The following WHRN variants were observed in gnomAD, a reference collection of about 807,000 sequenced individuals.
WHRN encodes CASK-interacting protein CIP98.
WHRN carries 41 observed loss-of-function variants against 68.3 expected under a neutral mutation model. The observed-to-expected ratio is 0.60, with a 90% CI of 0.47 to 0.78. The LOEUF is 0.78. Among genes scored for constraint, WHRN ranks in the 30% least tolerant of loss-of-function variants. The probability of loss-of-function intolerance (pLI) is 0.00; values close to 1 mark genes in which losing one functional copy is unlikely to be tolerated. For missense variants in WHRN, 1,243 were observed against 1,244.7 expected (o/e 1.00, Z 0.02); for synonymous variants, 560 against 561.3 (o/e 1.00, Z 0.03).
chr9:114,498,826 C>T (rs1843679898), intron 1 of WHRN, among the ~76,000 whole-genome samples: 1 of 152,118 alleles, frequency 6.6e-6, no homozygotes, highest in African/African-American at 2.4e-5. Context: ...AGTTCCATCT[C>T]CTTGAGCATG....
chr9:114,414,275 C>T (rs1195076743), intron 7 of WHRN, among the ~76,000 whole-genome samples: 1 of 152,208 alleles, frequency 6.6e-6, no homozygotes, highest in Non-Finnish European at 1.5e-5. Context: ...GTTACTGACT[C>T]ACTGCTCAAC....
intron 6 of WHRN, 54 bp downstream of exon 6, chr9:114,424,280 G>T: frequency 6.3e-7 from 1 of 1,589,176 alleles, no homozygotes; most frequent in Non-Finnish European, 8.6e-7. Context: ...GGGCAGGGCA[G>T]GATGCAGAGC....
In WHRN at chr9:114,505,071, G is replaced by C. The variant is rs1844285302; in HGVS notation, c.-270C>G. 4.8e-6 allele frequency: 2 copies of C among 415,336 alleles called. No homozygotes were observed. The highest frequency in any genetic ancestry group is 8.4e-5 in the East Asian group (2 of 23,750). The allele number at this position is 415,336 out of a possible 1,614,324, so 25.7% of individuals were successfully genotyped here. On this transcript the variant is annotated 5_prime_UTR_variant, in exon 1 of 12. Coordinates refer to ENST00000362057, the MANE Select transcript of WHRN (RefSeq NM_015404.4). ...GGGTTCCTGAGAGACACAAGAGTTG[G>C]CTGCTGGAGCCCGGAGGTGGCGGAG...
At chr9:114,409,327 A>G (rs757194013) in intron 7 of WHRN, among the ~76,000 whole-genome samples, 1 of 152,222 alleles carries the variant, frequency 6.6e-6, no homozygotes, top group Non-Finnish European at 1.5e-5. Context: ...GACTGCAGAG[A>G]GAGCATCCAA....
chr9:114,406,610 A>T lies in WHRN; in HGVS notation c.1981T>A (p.Ser661Thr). 1 of 1,610,538 alleles carries T rather than the reference A, an allele frequency of 6.2e-7. No homozygotes were observed. The highest frequency in any genetic ancestry group is 2.2e-5 in the East Asian group (1 of 44,812). Reference sequence around the variant, plus strand: ...AGATGGGCGTCCAGCGGCCTCTTGGAGCTGGGGTTGGCAGGGGAGACGGAG... The same window carrying T: ...AGATGGGCGTCCAGCGGCCTCTTGGTGCTGGGGTTGGCAGGGGAGACGGAG... ...YASVSPANPSSKRPLDAHLAL... is the reference protein window; with the variant it reads ...YASVSPANPSTKRPLDAHLAL... The change falls in exon 9 of 12, where the codon TCC becomes ACC. Residue 661 changes from serine (S) to threonine (T), a missense_variant. Ser to Thr is a moderately conservative substitution (Grantham distance 58). Transcript: ENST00000362057.
intron 3 of WHRN, among the ~76,000 whole-genome samples, chr9:114,440,356 C>T (rs1222754555): frequency 6.6e-6 from 1 of 152,102 alleles, no homozygotes; most frequent in Admixed American, 6.5e-5. Flanking sequence ...TCTGCCTTAG[C>T]GTCTCGAGTA....
intron 2 of WHRN, among the ~76,000 whole-genome samples, chr9:114,472,991 C>T (rs1405720784): frequency 6.6e-6 from 1 of 152,226 alleles, no homozygotes; most frequent in East Asian, 1.9e-4. Context: ...CCCAGTGCTG[C>T]TGAGCCCAAA....
intron 2 of WHRN, among the ~76,000 whole-genome samples, chr9:114,471,461 C>A (rs1366340942): frequency 4.6e-5 from 7 of 152,202 alleles, no homozygotes; most frequent in Non-Finnish European, 1.0e-4. Context: ...CAATGCACCA[C>A]ACTGCCTCTC....
At chr9:114,407,810 G>A (rs1835145323) in intron 8 of WHRN, 137 bp downstream of exon 8, 8 of 732,696 alleles carry the variant, frequency 1.1e-5, no homozygotes, top group South Asian at 9.1e-5. Context: ...GTAGCTGGGT[G>A]TGAGAGCTCA....
chr9:114,418,242 GAGGA>G (rs1835971994), intron 7 of WHRN, among the ~76,000 whole-genome samples: 1 of 152,192 alleles, frequency 6.6e-6, no homozygotes. Context: ...AGTCGCTCCT[GAGGA>G]AGGGTGAGCA....
At chr9:114,408,072 T>C (rs1835169672) in intron 7 of WHRN, 54 bp from the exon 8 acceptor site, 1 of 1,471,384 alleles carries the variant, frequency 6.8e-7, no homozygotes, top group Non-Finnish European at 9.3e-7. Flanking sequence ...AAGGGAACAC[T>C]GGTTTGTTCT....
chr9:114,465,026 T>C (rs748574553), intron 3 of WHRN, among the ~76,000 whole-genome samples: 22 of 152,132 alleles, frequency 1.4e-4, no homozygotes, highest in Non-Finnish European at 5.9e-5. Flanking sequence ...AGTGTTATTA[T>C]ACAGGAAAGG....
chr9:114,420,352 C>T (rs2132321273), intron 7 of WHRN, among the ~76,000 whole-genome samples: 1 of 152,308 alleles, frequency 6.6e-6, no homozygotes, highest in East Asian at 1.9e-4. Flanking sequence ...AAAGAAAAGA[C>T]ATTTGTCCCT....
Position 114,492,562 on chromosome 9 carries a change from A to T in WHRN, c.618+11622T>A, listed in dbSNP as rs138452175. Among the ~76,000 whole-genome samples the T allele has an allele frequency of 8.9e-4, 136 of 152,368 alleles. 1 individual carries two copies. The highest frequency in any genetic ancestry group is 6.8e-3 in the Middle Eastern group (2 of 294). ...CAGCTTTGGGAAGAATTCCCAATAC[A>T]AATGCATACACAGATGCACACAGGG... On this transcript the variant is annotated intron_variant, in intron 1 of 11. Transcript: ENST00000362057.
intron 1 of WHRN, chr9:114,503,285 A>G: frequency 1.2e-6 from 1 of 803,440 alleles, no homozygotes; most frequent in Non-Finnish European, 1.5e-6. Context: ...GAAGCAGAGC[A>G]TGTGTCCCTT....
chr9:114,487,726 C>T (rs996353545), intron 1 of WHRN, among the ~76,000 whole-genome samples: 2 of 152,144 alleles, frequency 1.3e-5, no homozygotes, highest in Non-Finnish European at 2.9e-5. Flanking sequence ...TGCCAGTGTC[C>T]CCTGGGGCAT....
rs1564217981 is a variant in WHRN, at chr9:114,486,976, TATATATA to T, written c.619-8212_619-8206del. ...GTGTGTGTGTATATATATATATATA[TATATATA>T]TATATATATATATATATATATATAT... On this transcript the variant is annotated intron_variant, in intron 1 of 11. Transcript: ENST00000362057. Among the ~76,000 whole-genome samples, 8 of 2,302 alleles carry T rather than the reference TATATATA, an allele frequency of 3.5e-3. 1 individual carries two copies. The highest frequency in any genetic ancestry group is 4.3e-3 in the African/African-American group (8 of 1,852). 1.5% of individuals were successfully genotyped at this position (2,302 alleles called of 152,430 possible).
chr9:114,427,990 C>T (rs183719387), intron 3 of WHRN, among the ~76,000 whole-genome samples: 7 of 152,314 alleles, frequency 4.6e-5, no homozygotes, highest in Non-Finnish European at 1.0e-4. Context: ...TCAGCCTCTC[C>T]ACACTGTATC....
Position 114,429,880 on chromosome 9 carries a change from C to A in WHRN, c.964-3467G>T, listed in dbSNP as rs114009234. Among the ~76,000 whole-genome samples, 559 of 152,284 alleles carry A rather than the reference C, an allele frequency of 3.7e-3. 4 individuals carry two copies. Among genetic ancestry groups the A allele is most frequent in the African/African-American group, 0.013 (524 of 41,562 alleles). On this transcript the variant is annotated intron_variant, in intron 3 of 11. Coordinates refer to ENST00000362057, the MANE Select transcript of WHRN (RefSeq NM_015404.4). ...CTCATTCCTGCTGGGCTCACTGGCA[C>A]CCAACTTGCTAAACCACCTCCCCAC...
Sources: allele counts gnomAD v4.1 joint callset (sites outside exome capture counted in the v4.1 genomes callset), GRCh38; gene constraint gnomAD v4.1.1; transcripts MANE v1.5; gene names NCBI Gene and HGNC (gene_info 2026-07-23, HGNC 2026-07-21).